The following RGS8 variants were observed in gnomAD, a reference collection of about 807,000 sequenced individuals.
RGS8 encodes regulator of G-protein signaling 8.
In RGS8, 8 loss-of-function variants were observed where a neutral mutation model predicts 21.7. The ratio of observed to expected loss-of-function variants is 0.37; its 90% CI spans 0.22 to 0.66. RGS8 has a LOEUF of 0.66. Ranked by LOEUF, RGS8 falls within the 30% of genes least tolerant of loss-of-function variation. RGS8 has a pLI of 0.59. For missense variants in RGS8, 157 were observed against 217.9 expected, an observed-to-expected ratio of 0.72 and a Z score of 1.76; for synonymous variants, 80 against 83.6, an observed-to-expected ratio of 0.96 and a Z score of 0.24.
At chr1:182,657,281 G>A (rs938908928) in intron 5 of RGS8, among the ~76,000 whole-genome samples, 1 of 151,856 alleles carries the variant, frequency 6.6e-6, no homozygotes, top group African/African-American at 2.4e-5. Context: ...ATCTTTCCCT[G>A]CCCCTCTCCC....
At chr1:182,706,352 C>T in the RGS8 span, among the ~76,000 whole-genome samples, 4 of 152,136 alleles carry the variant, frequency 2.6e-5, no homozygotes, top group African/African-American at 7.2e-5. Context: ...TGCTGCTGAT[C>T]GTGCCACCTG....
intron 1 of RGS8, among the ~76,000 whole-genome samples, chr1:182,680,295 C>T (rs888651102): frequency 5.9e-5 from 9 of 152,204 alleles, no homozygotes; most frequent in Admixed American, 3.9e-4. Context: ...TCACCTACCA[C>T]TTCCCTGGCT....
In RGS8 at chr1:182,684,288, T is replaced by C. The variant is rs1379201791; in HGVS notation, n.221+68A>G. 7 of 152,342 alleles carry C rather than the reference T, an allele frequency of 4.6e-5. No individual in the cohort carries two copies. The highest frequency in any genetic ancestry group is 4.8e-5 in the African/African-American group (2 of 41,474). The allele number at this position is 152,342 out of a possible 1,614,324, so 9.4% of individuals were successfully genotyped here. ...GCCCTGCACCTCTCAGCAAGACTTATAGCCTGGGCTGACCTGCCCAGGGAC... is the reference window on the plus strand; with the variant it reads ...GCCCTGCACCTCTCAGCAAGACTTACAGCCTGGGCTGACCTGCCCAGGGAC... On this transcript the variant is annotated intron_variant and non_coding_transcript_variant, in intron 1 of 4. Coordinates refer to the RGS8 transcript ENST00000515211. The surrounding 1 kb of genome is among the most constrained non-coding windows in gnomAD (Gnocchi z 4.2).
At chr1:182,679,920 G>C (rs897235080) in intron 1 of RGS8, among the ~76,000 whole-genome samples, 1 of 152,138 alleles carries the variant, frequency 6.6e-6, no homozygotes, top group Admixed American at 6.5e-5. Context: ...ACTCAAGCCA[G>C]AAATAGGAAA....
At position 182,662,960 on chromosome 1, in the gene RGS8, GGGA is replaced by G. The variant is rs199714041; in HGVS notation, c.193+3006_193+3008del. 4.2e-3 allele frequency among the ~76,000 whole-genome samples: 632 copies of G among 152,002 alleles called. 7 individuals are homozygous for G. Among genetic ancestry groups the G allele is most frequent in the African/African-American group, 0.014 (576 of 41,342 alleles). On this transcript the variant is annotated intron_variant, in intron 5 of 6. Transcript: ENST00000483095. ...CCTGTAGATTGAGAATGGGGAGGGG[GGGA>G]AATAATCATCTGTGTTTTCTGAAAT...
At chr1:182,655,539 A>G (rs1663233186) in intron 5 of RGS8, among the ~76,000 whole-genome samples, 1 of 152,198 alleles carries the variant, frequency 6.6e-6, no homozygotes, top group Non-Finnish European at 1.5e-5. Context: ...GCCAGCTCTC[A>G]TTACCTGGCA....
At chr1:182,746,456 C>G in the RGS8 span, among the ~76,000 whole-genome samples, 2 of 152,066 alleles carry the variant, frequency 1.3e-5, no homozygotes, top group Non-Finnish European at 2.9e-5. Flanking sequence ...CACTTAAGTC[C>G]AGGAGTTCAA....
upstream of RGS8, among the ~76,000 whole-genome samples, chr1:182,685,928 C>G (rs1171987962): frequency 6.6e-6 from 1 of 152,086 alleles, no homozygotes; most frequent in Non-Finnish European, 1.5e-5. Context: ...ATAGCTGACT[C>G]CAATGCATGG....
intron 5 of RGS8, chr1:182,658,367 T>C (rs564968804): frequency 2.0e-5 from 3 of 152,312 alleles, no homozygotes; most frequent in African/African-American, 7.2e-5. Flanking sequence ...CCTAGCTCAG[T>C]TCCCAGGCTT....
chr1:182,728,798 A>G, the RGS8 span, among the ~76,000 whole-genome samples: 1 of 152,234 alleles, frequency 6.6e-6, no homozygotes, highest in South Asian at 2.1e-4. Flanking sequence ...AAAAATTAGA[A>G]GGACAAGTTT....
chr1:182,708,128 G>T, the RGS8 span, among the ~76,000 whole-genome samples: 2 of 152,150 alleles, frequency 1.3e-5, no homozygotes, highest in African/African-American at 4.8e-5. Flanking sequence ...CGTCAGTAGT[G>T]CAGATGGAAT....
intron 3 of RGS8, 139 bp from the exon 5 acceptor site, chr1:182,667,112 G>A (rs190304975): frequency 4.4e-6 from 3 of 676,360 alleles, no homozygotes; most frequent in Non-Finnish European, 5.3e-6. Context: ...AAGACTTCAT[G>A]AACAGGAAGA....
chr1:182,674,449 A>G (rs908988002), upstream of RGS8, among the ~76,000 whole-genome samples: 7 of 152,200 alleles, frequency 4.6e-5, no homozygotes, highest in African/African-American at 1.7e-4. Flanking sequence ...GAAACGGAAC[A>G]TTAAAACTAG....
At chr1:182,681,153 G>A (rs972849432) in intron 1 of RGS8, among the ~76,000 whole-genome samples, 3 of 152,202 alleles carry the variant, frequency 2.0e-5, no homozygotes, top group African/African-American at 7.2e-5. Flanking sequence ...CACACCCAGT[G>A]GGGAGAGGTG....
rs148754999 is a variant in RGS8 at position 182,664,252 on chromosome 1, T to A, written c.193+1717A>T. ...TTGTAATATTATTCTCAAGGCACAT[T>A]TATTTTGCATTTGATAAATAAAAGT... On this transcript the variant is annotated intron_variant, in intron 5 of 6. Coordinates refer to ENST00000483095, the Ensembl canonical transcript of RGS8. Among the ~76,000 whole-genome samples the A allele has an allele frequency of 2.6e-3, 391 of 152,060 alleles. 3 individuals carry two copies. The highest frequency in any genetic ancestry group is 9.1e-3 in the African/African-American group (377 of 41,328).
chr1:182,697,129 C>A, the RGS8 span, among the ~76,000 whole-genome samples: 3 of 152,162 alleles, frequency 2.0e-5, no homozygotes, highest in African/African-American at 7.2e-5. Flanking sequence ...ATAAAGCCAG[C>A]CCAGATTCAA....
At chr1:182,741,439 C>T in the RGS8 span, among the ~76,000 whole-genome samples, 3 of 128,776 alleles carry the variant, frequency 2.3e-5, no homozygotes, top group African/African-American at 8.9e-5. Flanking sequence ...CCGGACAGGG[C>T]GGCTGGCCGG....
chr1:182,717,668 T>G, the RGS8 span, among the ~76,000 whole-genome samples: 1 of 152,310 alleles, frequency 6.6e-6, no homozygotes, highest in Non-Finnish European at 1.5e-5. Context: ...CCTCCCCTAT[T>G]GTGTTTTCTT....
upstream of RGS8, among the ~76,000 whole-genome samples, chr1:182,687,705 G>A (rs1317420527): frequency 1.3e-5 from 2 of 152,198 alleles, no homozygotes; most frequent in African/African-American, 4.8e-5. Flanking sequence ...TGTACCTCCA[G>A]CACCAAGTAA....
Sources: gnomAD v4.1 joint callset for allele counts (sites outside exome capture counted in the v4.1 genomes callset) on GRCh38, gnomAD v4.1.1 for gene constraint, Gnocchi (gnomAD v3.1) non-coding constraint, MANE v1.5 for transcripts, NCBI Gene and HGNC (gene_info 2026-07-23, HGNC 2026-07-21) for gene names.